The following CHST11 variants were observed in gnomAD, a reference collection of about 807,000 sequenced individuals.
CHST11 encodes the protein carbohydrate sulfotransferase 11, also known as C4S-1.
Under a neutral mutation model 30.4 loss-of-function variants are expected in CHST11, and 9 were observed. The observed-to-expected ratio is 0.30, with a 90% CI of 0.18 to 0.52. The LOEUF is 0.52. Among genes scored for constraint, CHST11 ranks in the 20% least tolerant of loss-of-function variants. The probability of loss-of-function intolerance (pLI) is 0.97; values close to 1 mark genes in which losing one functional copy is unlikely to be tolerated. For missense variants in CHST11, 348 were observed against 460.6 expected (o/e 0.76, Z 2.24); for synonymous variants, 152 against 187.8 (o/e 0.81, Z 1.56).
In CHST11 at chr12:104,757,599, T is replaced by A. The variant is rs1273148539; in HGVS notation, c.855T>A (p.Asp285Glu). The change falls in exon 3 of 3, where the codon GAT (aspartate) becomes GAA (glutamate). Residue 285 changes from aspartate to glutamate, a missense_variant. By Grantham distance (45) the Asp-to-Glu change is conservative. Transcript: ENST00000303694. The surrounding 1 kb of genome is among the most constrained non-coding windows in gnomAD (Gnocchi z 6.5). ...LVGKYETLEE[D>E]SNYVLQLAGV... ...GCAAGTACGAGACACTGGAAGAGGA[T>A]TCTAATTACGTCCTGCAGCTGGCAG... The A allele has an allele frequency of 6.2e-7, 1 of 1,614,092 alleles. No homozygotes were observed. The highest frequency in any genetic ancestry group is 1.1e-5 in the South Asian group (1 of 91,080).
At chr12:104,645,198 C>G (rs996886409) in intron 2 of CHST11, among the ~76,000 whole-genome samples, 1 of 152,182 alleles carries the variant, frequency 6.6e-6, no homozygotes, top group African/African-American at 2.4e-5. Flanking sequence ...CTGCCCACCT[C>G]GGCCTCCCAA....
chr12:104,747,379 A>G (rs1453079042), intron 2 of CHST11, among the ~76,000 whole-genome samples: 1 of 152,236 alleles, frequency 6.6e-6, no homozygotes, highest in Non-Finnish European at 1.5e-5. Context: ...GAAAATACTA[A>G]TGATACCTAC....
chr12:104,684,876 G>T (rs560162040), intron 2 of CHST11, among the ~76,000 whole-genome samples: 1 of 152,280 alleles, frequency 6.6e-6, no homozygotes, highest in East Asian at 1.9e-4. Context: ...TTCAGTCAAG[G>T]TGCTCTGCAG....
chr12:104,612,622 G>A (rs1329076067), intron 2 of CHST11, among the ~76,000 whole-genome samples: 1 of 152,186 alleles, frequency 6.6e-6, no homozygotes, highest in Admixed American at 6.5e-5. Context: ...TGCTTACTGT[G>A]TGTGTCGTGT....
chr12:104,577,142 G>A (rs2136028646), intron 1 of CHST11, among the ~76,000 whole-genome samples: 1 of 151,418 alleles, frequency 6.6e-6, no homozygotes, highest in African/African-American at 2.4e-5. Context: ...AGCAGCCCCA[G>A]ACACTTTGGG....
At chr12:104,675,929 A>G (rs976545865) in intron 2 of CHST11, among the ~76,000 whole-genome samples, 5 of 151,984 alleles carry the variant, frequency 3.3e-5, no homozygotes, top group Non-Finnish European at 5.9e-5. Flanking sequence ...ACTCAGGGTC[A>G]CGTGTGCTGT....
At chr12:104,525,890 T>C (rs1413584789) in intron 1 of CHST11, among the ~76,000 whole-genome samples, 1 of 151,308 alleles carries the variant, frequency 6.6e-6, no homozygotes, top group African/African-American at 2.4e-5. Flanking sequence ...TACCAAGCTG[T>C]TTTTTGCAGT....
chr12:104,645,721 A>G (rs1029883444), intron 2 of CHST11, among the ~76,000 whole-genome samples: 2 of 149,638 alleles, frequency 1.3e-5, no homozygotes, highest in South Asian at 4.2e-4. Flanking sequence ...ACAAGATTAG[A>G]GCTTTATTAA....
At chr12:104,726,442 G>T (rs550394044) in intron 2 of CHST11, among the ~76,000 whole-genome samples, 92 of 152,198 alleles carry the variant, frequency 6.0e-4, no homozygotes, top group Non-Finnish European at 1.0e-3. Context: ...TAATTAAAAG[G>T]CTGTGGTGTA....
At chr12:104,530,549 T>C (rs896475799) in intron 1 of CHST11, among the ~76,000 whole-genome samples, 1 of 152,194 alleles carries the variant, frequency 6.6e-6, no homozygotes, top group African/African-American at 2.4e-5. Flanking sequence ...GCATAAAGTC[T>C]TAGCAATCTA....
intron 1 of CHST11, among the ~76,000 whole-genome samples, chr12:104,515,423 G>T (rs1335921000): frequency 1.3e-5 from 2 of 152,208 alleles, no homozygotes; most frequent in African/African-American, 2.4e-5. Flanking sequence ...CTACACAGAG[G>T]TCTTTCCCTC....
At chr12:104,589,259 A>G (rs1179284256) in intron 1 of CHST11, among the ~76,000 whole-genome samples, 2 of 151,840 alleles carry the variant, frequency 1.3e-5, no homozygotes, top group South Asian at 2.1e-4. Flanking sequence ...AAATTAGTCA[A>G]TGATGGTGGC....
intron 2 of CHST11, among the ~76,000 whole-genome samples, chr12:104,668,947 G>A (rs2039665518): frequency 6.6e-6 from 1 of 151,678 alleles, no homozygotes; most frequent in South Asian, 2.1e-4. Context: ...CTGTGGGCAA[G>A]GAACACGGCC....
At chr12:104,593,697 A>G (rs1305948966) in intron 1 of CHST11, among the ~76,000 whole-genome samples, 3 of 152,150 alleles carry the variant, frequency 2.0e-5, no homozygotes, top group African/African-American at 7.2e-5. Context: ...TTCACTAGCT[A>G]TGTCGCTGGG....
In CHST11 at chr12:104,590,854, G is replaced by A. The variant is rs533350536; in HGVS notation, c.119-11052G>A. Among the ~76,000 whole-genome samples, 8 of 151,446 alleles carry A rather than the reference G, an allele frequency of 5.3e-5. No homozygotes were observed. The East Asian group carries it at 1.4e-3, about 26-fold the overall frequency. On this transcript the variant is annotated intron_variant, in intron 1 of 2. Coordinates refer to ENST00000303694, the MANE Select transcript of CHST11 (RefSeq NM_018413.6). ...CAAGAATTGCTCGAACATGGGAGGT[G>A]GGGGTTGCAGTGAGCCAATATCGCA...
chr12:104,563,834 T>G (rs76117612), intron 1 of CHST11, among the ~76,000 whole-genome samples: 2,096 of 152,058 alleles, frequency 0.014, 54 homozygotes, highest in African/African-American at 0.048. Context: ...GGGAGGGGTT[T>G]GGAGTAGGCT....
At chr12:104,527,193 C>T (rs190293353) in intron 1 of CHST11, among the ~76,000 whole-genome samples, 9 of 152,318 alleles carry the variant, frequency 5.9e-5, no homozygotes, top group African/African-American at 1.9e-4. Context: ...CTAATCCAGT[C>T]TGACTGATGG....
intron 2 of CHST11, among the ~76,000 whole-genome samples, chr12:104,605,379 A>G (rs1303868173): frequency 6.6e-6 from 1 of 152,128 alleles, no homozygotes; most frequent in East Asian, 1.9e-4. Context: ...GGAGATCGAG[A>G]CCATCCTGGC....
At position 104,628,733 on chromosome 12, in the gene CHST11, T is replaced by C. The variant is rs545769278; in HGVS notation, c.204+26742T>C. Among the ~76,000 whole-genome samples the C allele has an allele frequency of 7.7e-4, 117 of 152,342 alleles. 2 individuals carry two copies. In the Middle Eastern group the frequency reaches 0.024, roughly 31 times the overall value. ...CCTGCCACCGGGCCTTTGCACCTGCTGTTCTTTCTGCTTCACCTCTACTTG... is the reference window on the plus strand; with the variant it reads ...CCTGCCACCGGGCCTTTGCACCTGCCGTTCTTTCTGCTTCACCTCTACTTG... On this transcript the variant is annotated intron_variant, in intron 2 of 2. Transcript: ENST00000303694.
Sources: gnomAD v4.1 joint callset for allele counts (sites outside exome capture counted in the v4.1 genomes callset) on GRCh38, gnomAD v4.1.1 for gene constraint, Gnocchi (gnomAD v3.1) non-coding constraint, MANE v1.5 for transcripts, NCBI Gene and HGNC (gene_info 2026-07-23, HGNC 2026-07-21) for gene names.